LRFN5: variants seen among roughly 807,000 people sequenced by gnomAD.
LRFN5 encodes the protein leucine-rich repeat and fibronectin type-III domain-containing protein 5.
LRFN5 carries 24 observed loss-of-function variants against 45.6 expected under a neutral mutation model. That is an observed-to-expected ratio of 0.53 (90% confidence interval 0.38 to 0.74). The LOEUF (loss-of-function observed/expected upper bound fraction) is 0.74, where lower values mean the gene tolerates loss of function less well. Ranked by LOEUF, LRFN5 falls within the 30% of genes least tolerant of loss-of-function variation. LRFN5 has a pLI of 0.00. For missense variants in LRFN5, 776 were observed against 861.5 expected, an observed-to-expected ratio of 0.90 and a Z score of 1.24; for synonymous variants, 340 against 313.8, an observed-to-expected ratio of 1.08 and a Z score of -0.88.
intron 1 of LRFN5, among the ~76,000 whole-genome samples, chr14:41,721,937 CT>C (rs1345621307): frequency 1.3e-5 from 2 of 151,992 alleles, no homozygotes; most frequent in Non-Finnish European, 2.9e-5. Flanking sequence ...GGGAAATTTT[CT>C]TGAATTAATC....
chr14:41,673,667 G>C (rs1000260126), intron 1 of LRFN5, among the ~76,000 whole-genome samples: 13 of 145,262 alleles, frequency 8.9e-5, no homozygotes, highest in Non-Finnish European at 1.5e-4. Flanking sequence ...GGCCGGGCAG[G>C]GGGGCTGACC....
intron 1 of LRFN5, among the ~76,000 whole-genome samples, chr14:41,691,398 G>T (rs1206136609): frequency 6.6e-6 from 1 of 151,812 alleles, no homozygotes; most frequent in Non-Finnish European, 1.5e-5. Context: ...ACTTTTAGTT[G>T]TCTGTTATTA....
chr14:41,640,660 G>C (rs1367352089), intron 1 of LRFN5, among the ~76,000 whole-genome samples: 1 of 152,052 alleles, frequency 6.6e-6, no homozygotes, highest in African/African-American at 2.4e-5. Context: ...TATAGTCACT[G>C]ATTAACTTGT....
At chr14:41,879,990 T>C (rs1436856641) in intron 2 of LRFN5, among the ~76,000 whole-genome samples, 1 of 142,276 alleles carries the variant, frequency 7.0e-6, no homozygotes, top group African/African-American at 2.6e-5. Context: ...TGGCAAGATC[T>C]AATGTCGGCT....
At chr14:41,898,094 T>A (rs1890996610) in intron 4 of LRFN5, among the ~76,000 whole-genome samples, 1 of 152,128 alleles carries the variant, frequency 6.6e-6, no homozygotes, top group African/African-American at 2.4e-5. Flanking sequence ...GACCATTGTA[T>A]ATTTACATGA....
chr14:41,802,264 A>G (rs1476133278), intron 2 of LRFN5, among the ~76,000 whole-genome samples: 1 of 152,104 alleles, frequency 6.6e-6, no homozygotes, highest in Non-Finnish European at 1.5e-5. Flanking sequence ...ACAAATGGGG[A>G]TTTATAGCCG....
intron 2 of LRFN5, among the ~76,000 whole-genome samples, chr14:41,857,686 A>G (rs143801696): frequency 6.6e-6 from 1 of 152,344 alleles, no homozygotes; most frequent in East Asian, 1.9e-4. Context: ...GGACTTGTTC[A>G]TCACACAATT....
chr14:41,757,282 G>T (rs898003132), intron 1 of LRFN5, among the ~76,000 whole-genome samples: 4 of 152,200 alleles, frequency 2.6e-5, no homozygotes, highest in African/African-American at 9.6e-5. Context: ...TCTCTTCAAA[G>T]CTGTCAGACA....
intron 2 of LRFN5, among the ~76,000 whole-genome samples, chr14:41,853,175 G>A (rs1889332095): frequency 6.6e-6 from 1 of 151,888 alleles, no homozygotes; most frequent in Non-Finnish European, 1.5e-5. Context: ...TCGAAATTTA[G>A]AATCCACCTG....
rs761178193 is a variant in LRFN5, at chr14:41,891,792, A to G, written c.1928A>G (p.Gln643Arg). Residue 643 changes from glutamine (Q) to arginine (R), a missense_variant, in exon 4 of 6, where the codon CAG (glutamine) becomes CGG (arginine). Gln to Arg is a conservative substitution (Grantham distance 43). Around this residue, in one of 2 missense-constraint regions of LRFN5, gnomAD observed 465 missense variants for 456.4 expected, o/e 1.02. Transcript: ENST00000298119. ...TCAAGCACTTCTGTGTCCCAAAAGC[A>G]GAAAAGAAAGACTGGCACAAAGCCA... ...WTSSTSVSQKQKRKTGTKPST... is the reference protein window; with the variant it reads ...WTSSTSVSQKRKRKTGTKPST... 6 of 1,614,074 alleles carry G rather than the reference A, an allele frequency of 3.7e-6. No individual in the cohort carries two copies. The Admixed American group carries it at 8.3e-5, about 22-fold the overall frequency.
intron 2 of LRFN5, among the ~76,000 whole-genome samples, chr14:41,825,793 C>A (rs983804585): frequency 1.3e-5 from 2 of 152,208 alleles, no homozygotes; most frequent in African/African-American, 4.8e-5. Flanking sequence ...CAGTGCAATG[C>A]CCTCAAGAAG....
chr14:41,696,269 A>G (rs1882605439), intron 1 of LRFN5, among the ~76,000 whole-genome samples: 1 of 151,848 alleles, frequency 6.6e-6, no homozygotes, highest in Non-Finnish European at 1.5e-5. Flanking sequence ...GATGAAAAGT[A>G]CTCCTGATGA....
intron 3 of LRFN5, among the ~76,000 whole-genome samples, chr14:41,888,569 G>T (rs1267003791): frequency 6.6e-6 from 1 of 152,104 alleles, no homozygotes. Flanking sequence ...TGCCATTTTT[G>T]GTCAAAAATA....
chr14:41,651,649 A>G (rs1034344358), intron 1 of LRFN5, among the ~76,000 whole-genome samples: 4 of 152,144 alleles, frequency 2.6e-5, no homozygotes, highest in African/African-American at 9.7e-5. Flanking sequence ...GTGAATCTTA[A>G]CACTTTTGTT....
At chr14:41,802,255 C>A (rs1887360511) in intron 2 of LRFN5, among the ~76,000 whole-genome samples, 1 of 152,042 alleles carries the variant, frequency 6.6e-6, no homozygotes, top group Non-Finnish European at 1.5e-5. Context: ...ACAGCAAAGA[C>A]AAATGGGGAT....
chr14:41,820,730 C>T (rs1888085126), intron 2 of LRFN5, among the ~76,000 whole-genome samples: 1 of 151,932 alleles, frequency 6.6e-6, no homozygotes, highest in African/African-American at 2.4e-5. Flanking sequence ...CTTAACAATA[C>T]TGATTCTTCC....
At chr14:41,809,464 A>G (rs1421289501) in intron 2 of LRFN5, among the ~76,000 whole-genome samples, 2 of 152,028 alleles carry the variant, frequency 1.3e-5, no homozygotes, top group Non-Finnish European at 1.5e-5. Context: ...CCCAATCATT[A>G]CATTTCTCCA....
At chr14:41,685,349 C>T (rs1217626542) in intron 1 of LRFN5, among the ~76,000 whole-genome samples, 1 of 152,090 alleles carries the variant, frequency 6.6e-6, no homozygotes, top group African/African-American at 2.4e-5. Flanking sequence ...CCTGTACCCC[C>T]ATATTTATTG....
At chr14:41,721,946 A>C (rs1883732889) in intron 1 of LRFN5, among the ~76,000 whole-genome samples, 1 of 152,108 alleles carries the variant, frequency 6.6e-6, no homozygotes, top group Non-Finnish European at 1.5e-5. Flanking sequence ...TCTTGAATTA[A>C]TCCCTCAAAT....
Sources: gnomAD v4.1 joint callset for allele counts (sites outside exome capture counted in the v4.1 genomes callset) on GRCh38, gnomAD v4.1.1 for gene constraint, gnomAD v4.1.1 regional missense constraint, MANE v1.5 for transcripts, NCBI Gene and HGNC (gene_info 2026-07-23, HGNC 2026-07-21) for gene names.